The following PCDH15 variants were observed in gnomAD, a reference collection of about 807,000 sequenced individuals.
PCDH15 encodes protocadherin related 15, also known as protocadherin-15.
A neutral mutation model predicts 178.5 loss-of-function variants in PCDH15; 129 were observed. The ratio of observed to expected loss-of-function variants is 0.72; its 90% CI spans 0.63 to 0.84. PCDH15 has a LOEUF of 0.84. Ranked by LOEUF, PCDH15 falls within the 40% of genes least tolerant of loss-of-function variation. The pLI, the probability that PCDH15 is intolerant of heterozygous loss-of-function variation, is 0.00. For missense variants in PCDH15, 2,230 were observed against 2,099.9 expected, an observed-to-expected ratio of 1.06 and a Z score of -1.21; for synonymous variants, 800 against 732.0, an observed-to-expected ratio of 1.09 and a Z score of -1.50.
At position 54,393,106 on chromosome 10, in the gene PCDH15, A is replaced by T. The variant is rs554981449; in HGVS notation, c.158-14164T>A. On this transcript the variant is annotated intron_variant, in intron 3 of 37. Transcript: ENST00000644397. ...TTCAAGCACTTTGCAAGCCTGTTTT[A>T]ATCTCTATGCTTAAAAAATCTACAT... Among the ~76,000 whole-genome samples, 4 of 152,254 alleles carry T rather than the reference A, an allele frequency of 2.6e-5. No individual in the cohort carries two copies. The South Asian group carries it at 8.3e-4, about 32-fold the overall frequency.
chr10:55,540,706 A>G (rs1405006078), intron 2 of PCDH15, among the ~76,000 whole-genome samples: 1 of 152,094 alleles, frequency 6.6e-6, no homozygotes, highest in Non-Finnish European at 1.5e-5. Flanking sequence ...ATTTTATTTC[A>G]TAGATCAAAA....
intron 21 of PCDH15, among the ~76,000 whole-genome samples, chr10:53,964,937 A>C (rs2088832103): frequency 6.6e-6 from 1 of 152,160 alleles, no homozygotes; most frequent in Admixed American, 6.5e-5. Context: ...CATTTGAATA[A>C]TAATGATAAT....
chr10:54,489,054 A>G (rs1033322246), intron 3 of PCDH15, among the ~76,000 whole-genome samples: 1 of 152,090 alleles, frequency 6.6e-6, no homozygotes. Context: ...ACCTTCTGAC[A>G]TGAATGGCTC....
At chr10:54,678,010 T>C (rs969560635) in intron 1 of PCDH15, among the ~76,000 whole-genome samples, 3 of 152,116 alleles carry the variant, frequency 2.0e-5, no homozygotes, top group South Asian at 2.1e-4. Flanking sequence ...CACAGTAATA[T>C]ATGCACTCAC....
At chr10:54,302,771 G>A (rs1038320105) in intron 8 of PCDH15, among the ~76,000 whole-genome samples, 5 of 152,040 alleles carry the variant, frequency 3.3e-5, no homozygotes, top group African/African-American at 1.2e-4. Flanking sequence ...CTAGTAGGTC[G>A]CTCCTCCTTT....
intron 1 of PCDH15, among the ~76,000 whole-genome samples, chr10:54,776,663 C>T (rs1591573873): frequency 6.6e-6 from 1 of 152,168 alleles, no homozygotes; most frequent in Admixed American, 6.5e-5. Flanking sequence ...ACAGAAAATG[C>T]AAATAAATAA....
chr10:53,939,626 T>A (rs2085877368), intron 24 of PCDH15, among the ~76,000 whole-genome samples: 1 of 152,094 alleles, frequency 6.6e-6, no homozygotes, highest in Non-Finnish European at 1.5e-5. Flanking sequence ...TTTAATAATT[T>A]TTATTATTAA....
At chr10:54,004,051 A>C (rs900158522) in intron 20 of PCDH15, among the ~76,000 whole-genome samples, 86 of 152,148 alleles carry the variant, frequency 5.7e-4, no homozygotes, top group African/African-American at 2.0e-3. Flanking sequence ...TGATCATTTC[A>C]ATTGATTCTG....
intron 3 of PCDH15, among the ~76,000 whole-genome samples, chr10:54,380,402 T>C (rs1425886815): frequency 6.6e-6 from 1 of 151,530 alleles, no homozygotes; most frequent in African/African-American, 2.4e-5. Flanking sequence ...ATAAATATGT[T>C]CAAGAATGTA....
chr10:55,561,906 T>C (rs1476923475), intron 2 of PCDH15, among the ~76,000 whole-genome samples: 1 of 151,954 alleles, frequency 6.6e-6, no homozygotes, highest in Non-Finnish European at 1.5e-5. Context: ...TTAAAATTGA[T>C]TTTTCAATTA....
intron 1 of PCDH15, among the ~76,000 whole-genome samples, chr10:55,228,548 A>G (rs1051989132): frequency 5.3e-5 from 8 of 152,020 alleles, no homozygotes; most frequent in African/African-American, 1.9e-4. Flanking sequence ...TTAAGTGTTA[A>G]ATGTGAGCAT....
intron 14 of PCDH15, among the ~76,000 whole-genome samples, chr10:54,145,683 T>C (rs1333103807): frequency 6.6e-6 from 1 of 151,994 alleles, no homozygotes; most frequent in Non-Finnish European, 1.5e-5. Context: ...TTACAGAAGA[T>C]TAAAGAAAAG....
chr10:54,130,813 C>A (rs767635898), intron 15 of PCDH15, among the ~76,000 whole-genome samples: 1 of 152,144 alleles, frequency 6.6e-6, no homozygotes, highest in Non-Finnish European at 1.5e-5. Flanking sequence ...ATGGAGGCAG[C>A]CAGGGTACCT....
chr10:54,308,923 C>G (rs966892515), intron 8 of PCDH15, among the ~76,000 whole-genome samples: 2 of 152,032 alleles, frequency 1.3e-5, no homozygotes, highest in African/African-American at 2.4e-5. Context: ...ATGGCAGTCA[C>G]ATCATATGTT....
chr10:54,901,050 G>A (rs1029212122), intron 2 of PCDH15, among the ~76,000 whole-genome samples: 4 of 152,008 alleles, frequency 2.6e-5, no homozygotes, highest in Admixed American at 2.0e-4. Flanking sequence ...GTGGTGGCTC[G>A]TGCCTGCAAT....
chr10:54,565,773 T>C (rs1244294322), intron 2 of PCDH15, among the ~76,000 whole-genome samples: 1 of 152,180 alleles, frequency 6.6e-6, no homozygotes, highest in African/African-American at 2.4e-5. Context: ...GAAATAACTA[T>C]GAGATTTCTT....
At chr10:53,973,443 A>G (rs1181007919) in intron 21 of PCDH15, among the ~76,000 whole-genome samples, 1 of 152,184 alleles carries the variant, frequency 6.6e-6, no homozygotes, top group Non-Finnish European at 1.5e-5. Context: ...AGTATATTAA[A>G]AAAATAAATT....
intron 25 of PCDH15, among the ~76,000 whole-genome samples, chr10:53,924,238 T>G (rs2084273710): frequency 6.6e-6 from 1 of 152,134 alleles, no homozygotes; most frequent in Admixed American, 6.5e-5. Context: ...CAGCGTGAGT[T>G]CCGGTGGGCA....
intron 1 of PCDH15, among the ~76,000 whole-genome samples, chr10:54,715,060 T>C (rs1284665145): frequency 6.6e-6 from 1 of 152,034 alleles, no homozygotes; most frequent in African/African-American, 2.4e-5. Context: ...AGATTGCTGA[T>C]ACTCATTTTT....
Sources: gnomAD v4.1 joint callset for allele counts (sites outside exome capture counted in the v4.1 genomes callset) on GRCh38, gnomAD v4.1.1 for gene constraint, MANE v1.5 for transcripts, NCBI Gene and HGNC (gene_info 2026-07-23, HGNC 2026-07-21) for gene names.